Variants in MTUS2 observed in about 807,000 individuals in gnomAD.
MTUS2 encodes microtubule associated scaffold protein 2.
MTUS2 carries 40 observed loss-of-function variants against 114.1 expected under a neutral mutation model. That is an observed-to-expected ratio of 0.35 (90% confidence interval 0.27 to 0.46). The LOEUF (loss-of-function observed/expected upper bound fraction) is 0.46, where lower values mean the gene tolerates loss of function less well. Ranked by LOEUF, MTUS2 falls within the 20% of genes least tolerant of loss-of-function variation. The pLI, the probability that MTUS2 is intolerant of heterozygous loss-of-function variation, is 1.00. For synonymous variants in MTUS2, 688 were observed against 672.0 expected, an observed-to-expected ratio of 1.02 and a Z score of -0.37; for missense variants, 1,679 against 1,705.4, an observed-to-expected ratio of 0.98 and a Z score of 0.27.
In MTUS2 at chr13:29,340,120, C is replaced by T. The variant is rs141774233; in HGVS notation, c.2905+15409C>T. Among the ~76,000 whole-genome samples, 1,239 of 152,320 alleles carry T rather than the reference C, an allele frequency of 8.1e-3. 60 individuals are homozygous for T. The highest frequency in any genetic ancestry group is 0.071 in the Admixed American group (1,083 of 15,302). Reference sequence around the variant, plus strand: ...CCATAGGGTTCCGCACGGGCCAGGCCGGTGCCTCGCGGAATTCGGGACATC... The same window carrying T: ...CCATAGGGTTCCGCACGGGCCAGGCTGGTGCCTCGCGGAATTCGGGACATC... On this transcript the variant is annotated intron_variant, in intron 7 of 15. Coordinates refer to ENST00000612955, the MANE Select transcript of MTUS2 (RefSeq NM_001033602.4).
At chr13:28,916,209 A>G (rs1024189573) in intron 2 of MTUS2, among the ~76,000 whole-genome samples, 1 of 151,922 alleles carries the variant, frequency 6.6e-6, no homozygotes, top group Non-Finnish European at 1.5e-5. Context: ...GCTTGGTAGT[A>G]TAATTTTAAG....
At chr13:29,483,650 G>C (rs571280581) in intron 10 of MTUS2, among the ~76,000 whole-genome samples, 1 of 152,222 alleles carries the variant, frequency 6.6e-6, no homozygotes, top group African/African-American at 2.4e-5. Context: ...TGAGGGAGGG[G>C]CGCTGAGGGG....
chr13:28,966,429 A>G (rs1427451137), intron 2 of MTUS2, among the ~76,000 whole-genome samples: 1 of 152,166 alleles, frequency 6.6e-6, no homozygotes, highest in East Asian at 1.9e-4. Context: ...CTAATTCAAG[A>G]ATTGGCTATC....
chr13:29,177,257 C>T (rs1440042769), intron 5 of MTUS2, among the ~76,000 whole-genome samples: 1 of 150,698 alleles, frequency 6.6e-6, no homozygotes, highest in East Asian at 1.9e-4. Context: ...ATTTGGAAGT[C>T]AGTAACCTTT....
chr13:28,853,893 A>G (rs1876460853), intron 2 of MTUS2, among the ~76,000 whole-genome samples: 1 of 152,256 alleles, frequency 6.6e-6, no homozygotes, highest in Admixed American at 6.5e-5. Flanking sequence ...CATAGCTAGT[A>G]TTATAACAGT....
chr13:28,953,868 A>G (rs898908906), intron 2 of MTUS2, among the ~76,000 whole-genome samples: 1 of 152,184 alleles, frequency 6.6e-6, no homozygotes, highest in African/African-American at 2.4e-5. Context: ...TAGACAGCCA[A>G]AGGTGTCAGC....
chr13:29,501,981 T>TTCACATGTACATGCTTATTC (rs1882946238), intron 15 of MTUS2, among the ~76,000 whole-genome samples: 1 of 152,230 alleles, frequency 6.6e-6, no homozygotes, highest in African/African-American at 2.4e-5. Context: ...CATGCTTTTC[T>TTCACATGTACATGCTTATTC]TCACATGTAC....
intron 8 of MTUS2, among the ~76,000 whole-genome samples, chr13:29,360,697 C>CT (rs1203974153): frequency 1.4e-5 from 2 of 140,430 alleles, no homozygotes; most frequent in South Asian, 2.7e-4. Flanking sequence ...CACCCCCCCC[C>CT]CCCCGTAAGA....
intron 8 of MTUS2, among the ~76,000 whole-genome samples, chr13:29,425,443 A>G (rs1876442861): frequency 6.6e-6 from 1 of 152,166 alleles, no homozygotes; most frequent in African/African-American, 2.4e-5. Flanking sequence ...AAAAGAAAGA[A>G]ATACTTTAAC....
intron 1 of MTUS2, among the ~76,000 whole-genome samples, chr13:28,826,475 T>C (rs535018205): frequency 6.6e-6 from 1 of 152,324 alleles, no homozygotes; most frequent in South Asian, 2.1e-4. Flanking sequence ...TTATTAGTCT[T>C]TTTACTCTGT....
At chr13:28,919,289 T>C (rs1880913148) in intron 2 of MTUS2, among the ~76,000 whole-genome samples, 1 of 152,142 alleles carries the variant, frequency 6.6e-6, no homozygotes, top group Admixed American at 6.5e-5. Context: ...TTTGTTTGTC[T>C]GGGAAGGTCT....
chr13:29,429,757 C>T (rs1211916899), intron 8 of MTUS2, among the ~76,000 whole-genome samples: 1 of 152,176 alleles, frequency 6.6e-6, no homozygotes, highest in East Asian at 1.9e-4. Context: ...AAATTGCCTT[C>T]TTCCTACTCA....
chr13:29,079,876 T>C (rs1889364972), intron 4 of MTUS2, among the ~76,000 whole-genome samples: 1 of 152,186 alleles, frequency 6.6e-6, no homozygotes, highest in Non-Finnish European at 1.5e-5. Context: ...TGGCTATTCT[T>C]TGTCTTTTGA....
Position 28,846,046 on chromosome 13 carries a change from T to TA in MTUS2, c.-243+6206dup, listed in dbSNP as rs34933871. Among the ~76,000 whole-genome samples the TA allele has an allele frequency of 4.0e-3, 486 of 120,020 alleles. 3 individuals carry two copies. Among genetic ancestry groups the TA allele is most frequent in the East Asian group, 6.4e-3 (29 of 4,520 alleles). 78.7% of individuals were successfully genotyped at this position (120,020 alleles called of 152,430 possible). ...AAAAACATATATGCAGTCTTTTTCT[T>TA]AAAAAAAAAATATATATATATATAT... On this transcript the variant is annotated intron_variant, in intron 2 of 15. Coordinates refer to ENST00000612955, the MANE Select transcript of MTUS2 (RefSeq NM_001033602.4).
intron 15 of MTUS2, among the ~76,000 whole-genome samples, chr13:29,502,196 G>A (rs1882957421): frequency 6.6e-6 from 1 of 152,256 alleles, no homozygotes; most frequent in Non-Finnish European, 1.5e-5. Flanking sequence ...AGCAGAGCAA[G>A]TGCAGACTTT....
At chr13:29,347,961 C>T (rs78511062) in intron 7 of MTUS2, among the ~76,000 whole-genome samples, 13,441 of 41,062 alleles carry the variant, frequency 0.33, 5,073 homozygotes, top group East Asian at 0.67. Context: ...AGAGGGATCC[C>T]AAGTGCAGGA....
intron 5 of MTUS2, among the ~76,000 whole-genome samples, chr13:29,278,928 A>G (rs1382752945): frequency 3.3e-5 from 5 of 152,310 alleles, no homozygotes; most frequent in Admixed American, 3.3e-4. Context: ...CCCATCTGAT[A>G]TTAATCCTTG....
chr13:29,463,759 G>A (rs1879686667), intron 9 of MTUS2, among the ~76,000 whole-genome samples: 1 of 152,192 alleles, frequency 6.6e-6, no homozygotes, highest in Admixed American at 6.5e-5. Context: ...AGCACTTCGG[G>A]GGGCCGAGGC....
At chr13:29,451,587 ATT>A (rs551756160) in intron 9 of MTUS2, among the ~76,000 whole-genome samples, 2 of 145,044 alleles carry the variant, frequency 1.4e-5, no homozygotes, top group African/African-American at 2.5e-5. Flanking sequence ...GTACTGTCCA[ATT>A]TTTTTTTTTT....
Sources: allele counts gnomAD v4.1 joint callset (sites outside exome capture counted in the v4.1 genomes callset), GRCh38; gene constraint gnomAD v4.1.1; transcripts MANE v1.5; gene names NCBI Gene and HGNC (gene_info 2026-07-23, HGNC 2026-07-21).